Variants in ENOX1 observed in about 807,000 individuals in gnomAD.
ENOX1 encodes the protein candidate growth-related and time keeping constitutive hydroquinone (NADH) oxidase.
Under a neutral mutation model 82.5 loss-of-function variants are expected in ENOX1, and 42 were observed. The observed-to-expected ratio is 0.51, with a 90% CI of 0.40 to 0.66. The LOEUF (loss-of-function observed/expected upper bound fraction) is 0.66. Ranked by LOEUF, ENOX1 falls within the 30% of genes least tolerant of loss-of-function variation. The pLI, the probability that ENOX1 is intolerant of heterozygous loss-of-function variation, is 0.00. For synonymous variants in ENOX1, 271 were observed against 282.2 expected, an observed-to-expected ratio of 0.96 and a Z score of 0.40; for missense variants, 608 against 811.6, an observed-to-expected ratio of 0.75 and a Z score of 3.05.
At chr13:43,609,870 A>G in intron 2 of ENOX1, 1 of 957,952 alleles carries the variant, frequency 1.0e-6, no homozygotes, top group Non-Finnish European at 1.2e-6. Context: ...TTAATCTACT[A>G]CTAGGGACTT....
At chr13:43,582,585 T>G (rs1362310312) in intron 2 of ENOX1, among the ~76,000 whole-genome samples, 1 of 152,104 alleles carries the variant, frequency 6.6e-6, no homozygotes, top group Non-Finnish European at 1.5e-5. Flanking sequence ...CTTTTTCTTT[T>G]TTTTTGGAGA....
chr13:43,402,723 C>T (rs973597316), intron 5 of ENOX1, among the ~76,000 whole-genome samples: 2 of 152,212 alleles, frequency 1.3e-5, no homozygotes, highest in Admixed American at 6.5e-5. Context: ...AAGACTTTGA[C>T]ATTAACCCAA....
chr13:43,346,675 C>T (rs1177756805), intron 8 of ENOX1, among the ~76,000 whole-genome samples: 1 of 152,156 alleles, frequency 6.6e-6, no homozygotes, highest in Non-Finnish European at 1.5e-5. Context: ...AAATCTATCA[C>T]ACAACTTAAC....
intron 5 of ENOX1, among the ~76,000 whole-genome samples, chr13:43,367,857 C>T (rs1272255746): frequency 9.2e-5 from 14 of 152,040 alleles, no homozygotes; most frequent in Admixed American, 8.5e-4. Flanking sequence ...AAAAAGGTAT[C>T]CCCAAAATAC....
intron 2 of ENOX1, among the ~76,000 whole-genome samples, chr13:43,580,649 T>A (rs1406924090): frequency 1.3e-5 from 2 of 152,230 alleles, no homozygotes; most frequent in Admixed American, 1.3e-4. Flanking sequence ...CAAATTCTGA[T>A]GAGCTAGCCA....
At chr13:43,471,395 TC>T in intron 3 of ENOX1, among the ~76,000 whole-genome samples, 1 of 152,266 alleles carries the variant, frequency 6.6e-6, no homozygotes, top group African/African-American at 2.4e-5. Context: ...AAGTTGTGTG[TC>T]TTATCATATG....
intron 2 of ENOX1, among the ~76,000 whole-genome samples, chr13:43,535,121 T>C (rs2078396837): frequency 6.6e-6 from 1 of 152,160 alleles, no homozygotes; most frequent in Non-Finnish European, 1.5e-5. Flanking sequence ...CACACAATTG[T>C]CATAGAGATT....
At chr13:43,261,304 C>T (rs984660123) in intron 14 of ENOX1, among the ~76,000 whole-genome samples, 6 of 152,096 alleles carry the variant, frequency 3.9e-5, no homozygotes, top group African/African-American at 4.8e-5. Context: ...TCCTTCAGGA[C>T]GACTAATAGA....
intron 2 of ENOX1, among the ~76,000 whole-genome samples, chr13:43,492,026 G>A (rs2076635923): frequency 6.6e-6 from 1 of 152,146 alleles, no homozygotes; most frequent in South Asian, 2.1e-4. Context: ...CATCACAGGT[G>A]CATGGGGTGT....
intron 2 of ENOX1, among the ~76,000 whole-genome samples, chr13:43,556,718 T>C (rs1274832101): frequency 2.9e-4 from 43 of 149,046 alleles, no homozygotes; most frequent in Admixed American, 2.8e-3. Flanking sequence ...CAGAAGGTTC[T>C]ATTCTCAAAA....
At chr13:43,663,805 A>C (rs544695644) in intron 2 of ENOX1, among the ~76,000 whole-genome samples, 1 of 152,334 alleles carries the variant, frequency 6.6e-6, no homozygotes, top group African/African-American at 2.4e-5. Flanking sequence ...TGAAAGAATT[A>C]CAGAAATTTG....
At chr13:43,253,827 C>G (rs935135102) in intron 14 of ENOX1, among the ~76,000 whole-genome samples, 1 of 152,048 alleles carries the variant, frequency 6.6e-6, no homozygotes, top group African/African-American at 2.4e-5. Context: ...CTTTTGGGCT[C>G]CCGACTCTTT....
At chr13:43,430,837 G>A (rs185816811) in intron 3 of ENOX1, among the ~76,000 whole-genome samples, 9 of 152,216 alleles carry the variant, frequency 5.9e-5, no homozygotes, top group South Asian at 2.1e-4. Flanking sequence ...ATTGCATTTC[G>A]TTTTATTTAA....
intron 11 of ENOX1, among the ~76,000 whole-genome samples, chr13:43,299,903 C>T (rs1226163657): frequency 6.6e-6 from 1 of 152,166 alleles, no homozygotes; most frequent in Non-Finnish European, 1.5e-5. Context: ...ATCAAGGTCG[C>T]CTCCTGAGTG....
At chr13:43,264,213 G>GT (rs2044241935) in intron 14 of ENOX1, among the ~76,000 whole-genome samples, 2 of 152,182 alleles carry the variant, frequency 1.3e-5, no homozygotes, top group South Asian at 4.1e-4. Flanking sequence ...GCTCAGAGAG[G>GT]TTAAGTAACT....
At chr13:43,420,420 A>AT (rs1279469986) in intron 3 of ENOX1, among the ~76,000 whole-genome samples, 6 of 152,208 alleles carry the variant, frequency 3.9e-5, no homozygotes, top group Admixed American at 2.0e-4. Flanking sequence ...AAGCAGTTCA[A>AT]AGGACATTCT....
rs2057395875 is a variant in ENOX1, at chr13:43,459,982, AG to A, written c.-75+24026del. The stretch of plus-strand genomic sequence containing the variant: ...GCACTCCAGCCTGGGTGACAAAGCG[AG>A]ACTCTGTCTCAAAAAACAAACAACG... On this transcript the variant is annotated intron_variant, in intron 3 of 16. Coordinates refer to ENST00000690772, the MANE Select transcript of ENOX1 (RefSeq NM_001347969.2). Among the ~76,000 whole-genome samples the A allele has an allele frequency of 2.6e-5, 4 of 152,160 alleles. No homozygotes were observed. The South Asian group carries it at 8.3e-4, about 32-fold the overall frequency.
At chr13:43,511,017 T>C (rs1171678560) in intron 2 of ENOX1, among the ~76,000 whole-genome samples, 1 of 152,162 alleles carries the variant, frequency 6.6e-6, no homozygotes, top group Non-Finnish European at 1.5e-5. Context: ...TTTAAGGCTA[T>C]ATTTTACATT....
intron 1 of ENOX1, among the ~76,000 whole-genome samples, chr13:43,721,676 C>T (rs572172337): frequency 1.4e-4 from 22 of 152,254 alleles, no homozygotes; most frequent in Non-Finnish European, 3.1e-4. Context: ...CCACGCCCGG[C>T]CTATATTTTA....
Sources: gnomAD v4.1 joint callset for allele counts (sites outside exome capture counted in the v4.1 genomes callset) on GRCh38, gnomAD v4.1.1 for gene constraint, MANE v1.5 for transcripts, NCBI Gene and HGNC (gene_info 2026-07-23, HGNC 2026-07-21) for gene names.